NPAT: variants seen among roughly 807,000 people sequenced by gnomAD.
NPAT encodes the protein protein NPAT.
In NPAT, 52 loss-of-function variants were observed where a neutral mutation model predicts 130.7. That is an observed-to-expected ratio of 0.40 (90% confidence interval 0.32 to 0.50). The LOEUF (loss-of-function observed/expected upper bound fraction) is 0.50. Ranked by LOEUF, NPAT falls within the 20% of genes least tolerant of loss-of-function variation. The pLI, the probability that NPAT is intolerant of heterozygous loss-of-function variation, is 0.68. For missense variants in NPAT, 1,687 were observed against 1,662.6 expected (o/e 1.01, Z -0.26); for synonymous variants, 580 against 584.8 (o/e 0.99, Z 0.12).
chr11:108,221,373 G>GATT (rs2078492764), intron 1 of NPAT, among the ~76,000 whole-genome samples: 1 of 152,170 alleles, frequency 6.6e-6, no homozygotes, highest in East Asian at 1.9e-4. Flanking sequence ...AACTCAACTA[G>GATT]ATTACCAAAC....
intron 1 of NPAT, chr11:108,208,409 G>A (rs998590619): frequency 6.6e-6 from 3 of 455,232 alleles, no homozygotes; most frequent in African/African-American, 4.0e-5. Context: ...GGGAAACCTA[G>A]TGAGAACCCA....
rs765401585 is a variant in NPAT, at chr11:108,185,247, T to C, written c.891A>G (p.Glu297=). Residue 297 remains glutamate, a synonymous_variant, in exon 10 of 18, where the codon GAA becomes GAG. Coordinates refer to ENST00000278612, the MANE Select transcript of NPAT (RefSeq NM_002519.3). ...NPTEPETSID[E]FLGLPSEIHM... ...CCACCCATACCGGAAGTCCTAGGAA[T>C]TCATCAATTGAAGTCTCTGGCTCCG... is the stretch of plus-strand genomic sequence containing the variant. 44 of 1,611,112 alleles carry C rather than the reference T, an allele frequency of 2.7e-5. No individual in the cohort carries two copies. Among genetic ancestry groups the C allele is most frequent in the Non-Finnish European group, 3.7e-5 (43 of 1,178,042 alleles).
chr11:108,161,111 T>A lies in NPAT; in HGVS notation c.3975A>T (p.Glu1325Asp). 1 of 1,614,218 alleles carries A rather than the reference T, an allele frequency of 6.2e-7. No individual in the cohort carries two copies. Among genetic ancestry groups the A allele is most frequent in the Non-Finnish European group, 8.5e-7 (1 of 1,180,036 alleles). The change falls in exon 17 of 18, where the codon GAA becomes GAT. Residue 1325 changes from glutamate (E) to aspartate (D), a missense_variant. By Grantham distance (45) the Glu-to-Asp change is conservative. Coordinates refer to ENST00000278612, the MANE Select transcript of NPAT (RefSeq NM_002519.3). ...ACSPASETGS[E>D]NSVNMAAHTL... ...TGTGGGCAGCCATATTTACACTGTT[T>A]TCACTTCCTGTTTCACTGGCAGGGC...
At chr11:108,220,337 G>C (rs542183543) in intron 1 of NPAT, among the ~76,000 whole-genome samples, 33 of 152,312 alleles carry the variant, frequency 2.2e-4, no homozygotes, top group Middle Eastern at 3.4e-3. Flanking sequence ...AATTTGACTT[G>C]TGAAAGGGTG....
At chr11:108,160,072 C>T (rs548659777) in intron 17 of NPAT, among the ~76,000 whole-genome samples, 1 of 151,490 alleles carries the variant, frequency 6.6e-6, no homozygotes, top group East Asian at 1.9e-4. Flanking sequence ...ATTGCTTGAA[C>T]TCAGGAGGCG....
chr11:108,190,557 T>C lies in NPAT; in HGVS notation c.291-57A>G, dbSNP rs945416076. 18 of 1,464,966 alleles carry C rather than the reference T, an allele frequency of 1.2e-5. No individual in the cohort carries two copies. The Admixed American group carries it at 1.7e-4, about 14-fold the overall frequency. The allele number at this position is 1,464,966 out of a possible 1,614,324, so 90.7% of individuals were successfully genotyped here. A position where few individuals can be genotyped will look rare whatever the true frequency, so the allele number is the denominator to read the frequency against. ...AAAAATGTTTGTTGCTGACATCCAC[T>C]ATGATTTAGTTACAGTCAGACCTCA... is the stretch of plus-strand genomic sequence containing the variant. On this transcript the variant is annotated intron_variant, in intron 4 of 17. Coordinates refer to ENST00000278612, the MANE Select transcript of NPAT (RefSeq NM_002519.3).
At chr11:108,183,112 T>C (rs2078072565) in intron 10 of NPAT, among the ~76,000 whole-genome samples, 1 of 151,994 alleles carries the variant, frequency 6.6e-6, no homozygotes, top group South Asian at 2.1e-4. Flanking sequence ...TCCCGAGTAG[T>C]TGGGACAACA....
chr11:108,189,991 TATTA>T (rs939377441), intron 5 of NPAT, among the ~76,000 whole-genome samples: 7 of 150,896 alleles, frequency 4.6e-5, no homozygotes, highest in African/African-American at 1.7e-4. Context: ...TAAATGAAAA[TATTA>T]ATTAACATAA....
intron 15 of NPAT, among the ~76,000 whole-genome samples, chr11:108,165,952 A>T (rs571872816): frequency 6.6e-4 from 99 of 149,296 alleles, no homozygotes; most frequent in Middle Eastern, 6.8e-3. Context: ...CTAATTTTTT[A>T]AAAAAAAATT....
chr11:108,191,101 GA>G (rs1311251926), intron 4 of NPAT, among the ~76,000 whole-genome samples: 1 of 152,040 alleles, frequency 6.6e-6, no homozygotes, highest in African/African-American at 2.4e-5. Flanking sequence ...TTTAACTTTA[GA>G]AACTCTACAT....
At chr11:108,189,351 A>G in intron 5 of NPAT, 21 bp from the exon 6 acceptor site, 5 of 1,611,032 alleles carry the variant, frequency 3.1e-6, no homozygotes, top group Non-Finnish European at 3.4e-6. Context: ...TAAGCATTTA[A>G]AAAACAAATT....
intron 10 of NPAT, among the ~76,000 whole-genome samples, chr11:108,179,486 C>T (rs1438787842): frequency 5.3e-5 from 8 of 152,168 alleles, no homozygotes; most frequent in Non-Finnish European, 7.3e-5. Context: ...GTGACCCTCC[C>T]GCTTCAGCCT....
Position 108,172,808 on chromosome 11 carries a change from T to G in NPAT, c.2176A>C (p.Ser726Arg). The G allele has an allele frequency of 6.2e-7, 1 of 1,613,876 alleles. No homozygotes were observed. Among genetic ancestry groups the G allele is most frequent in the Non-Finnish European group, 8.5e-7 (1 of 1,180,024 alleles). The change falls in exon 13 of 18, where the codon AGC (serine) becomes CGC (arginine). Residue 726 changes from serine to arginine, a missense_variant. By Grantham distance (110) the Ser-to-Arg change is moderately radical. This residue lies in a region of NPAT where 1,379 missense variants were observed against 1,346.6 expected (regional missense o/e 1.02). Coordinates refer to ENST00000278612, the MANE Select transcript of NPAT (RefSeq NM_002519.3). ...GCATCTATCTCTGCTGAGTTGTTGC[T>G]AGAAGGTTTATCATCAGTATTTTGG... ...ESQNTDDKPS[S>R]NNSAEIDASN... is the part of the protein sequence containing the mutation.
chr11:108,165,452 T>TTATATATA (rs10678040), intron 15 of NPAT, among the ~76,000 whole-genome samples: 26 of 133,912 alleles, frequency 1.9e-4, no homozygotes, highest in African/African-American at 6.5e-4. Context: ...ACATATGTAT[T>TTATATATA]TATATATATA....
chr11:108,215,088 T>G (rs1490237793), intron 1 of NPAT, among the ~76,000 whole-genome samples: 1 of 152,226 alleles, frequency 6.6e-6, no homozygotes, highest in Non-Finnish European at 1.5e-5. Flanking sequence ...CCATTGTTTA[T>G]TCTATTTCCT....
intron 7 of NPAT, among the ~76,000 whole-genome samples, chr11:108,187,505 A>C (rs1465006064): frequency 1.3e-5 from 2 of 152,202 alleles, no homozygotes; most frequent in Non-Finnish European, 2.9e-5. Context: ...TGAAGTGAGA[A>C]AGGCTCCAAT....
At chr11:108,166,168 G>T (rs927814874) in intron 15 of NPAT, among the ~76,000 whole-genome samples, 7 of 151,760 alleles carry the variant, frequency 4.6e-5, no homozygotes, top group Admixed American at 1.3e-4. Flanking sequence ...CCGAGGTGGG[G>T]GGATTAAGAG....
At chr11:108,205,115 A>G (rs1191292468) in intron 1 of NPAT, among the ~76,000 whole-genome samples, 1 of 152,242 alleles carries the variant, frequency 6.6e-6, no homozygotes, top group Non-Finnish European at 1.5e-5. Flanking sequence ...GAAACAACTC[A>G]TCACATACAA....
intron 1 of NPAT, among the ~76,000 whole-genome samples, chr11:108,220,110 G>A (rs2078469654): frequency 6.6e-6 from 1 of 152,228 alleles, no homozygotes; most frequent in South Asian, 2.1e-4. Flanking sequence ...CAGTTCCACA[G>A]AGCACCTTGA....
Sources: allele counts gnomAD v4.1 joint callset (sites outside exome capture counted in the v4.1 genomes callset), GRCh38; gene constraint gnomAD v4.1.1; regional missense constraint gnomAD v4.1.1; transcripts MANE v1.5; gene names NCBI Gene and HGNC (gene_info 2026-07-23, HGNC 2026-07-21).